Variants in TMA7B observed in about 807,000 individuals in gnomAD.
TMA7B encodes the protein translation machinery-associated protein 7B.
chr22:39,964,150 T>G, the TMA7B span: 1 of 488,984 alleles, frequency 2.0e-6, no homozygotes, highest in Admixed American at 3.8e-5. Flanking sequence ...TATGTCTGTT[T>G]GAAAAATAAA....
chr22:39,962,338 T>C, the TMA7B span, among the ~76,000 whole-genome samples: 3 of 152,010 alleles, frequency 2.0e-5, no homozygotes, highest in East Asian at 5.8e-4. Flanking sequence ...TAAAGGATTG[T>C]TGGAGCTGGG....
At chr22:39,964,170 C>A in the TMA7B span, 2 of 514,620 alleles carry the variant, frequency 3.9e-6, no homozygotes, top group South Asian at 3.0e-5. Flanking sequence ...ACTTTACATC[C>A]AAAAGAGAAT....
chr22:39,963,553 G>T, the TMA7B span, among the ~76,000 whole-genome samples: 1 of 152,298 alleles, frequency 6.6e-6, no homozygotes, highest in East Asian at 1.9e-4. Flanking sequence ...CCAAGGGGAA[G>T]ACCACAAAGT....
the TMA7B span, among the ~76,000 whole-genome samples, chr22:39,963,245 T>G: frequency 6.6e-6 from 1 of 152,284 alleles, no homozygotes; most frequent in Non-Finnish European, 1.5e-5. Flanking sequence ...AACACCAGAT[T>G]TTGGAGTCCA....
the TMA7B span, chr22:39,964,308 C>A: frequency 1.5e-6 from 1 of 678,638 alleles, no homozygotes; most frequent in South Asian, 1.6e-5. Flanking sequence ...AGACTGGCAA[C>A]AAAAGGTGCT....
the TMA7B span, among the ~76,000 whole-genome samples, chr22:39,963,134 T>C: frequency 6.6e-6 from 1 of 152,222 alleles, no homozygotes; most frequent in Non-Finnish European, 1.5e-5. Context: ...TATAATATTT[T>C]CCAAAGCAAA....
the TMA7B span, chr22:39,960,479 G>A: frequency 6.5e-6 from 2 of 307,024 alleles, no homozygotes; most frequent in Non-Finnish European, 1.2e-5. Flanking sequence ...CTTTAACAGT[G>A]TCTTGCATAA....
chr22:39,964,073 T>C, the TMA7B span: 1 of 301,784 alleles, frequency 3.3e-6, no homozygotes, highest in African/African-American at 2.2e-5. Context: ...CCCTTTAAAA[T>C]TCTTGACCTT....
At chr22:39,961,769 C>A in the TMA7B span, among the ~76,000 whole-genome samples, 1 of 152,182 alleles carries the variant, frequency 6.6e-6, no homozygotes, top group African/African-American at 2.4e-5. Flanking sequence ...AAGTTATTGG[C>A]AGGAAATACC....
the TMA7B span, chr22:39,961,060 C>A: frequency 6.6e-6 from 1 of 152,240 alleles, no homozygotes; most frequent in Non-Finnish European, 1.5e-5. Context: ...ATCTTCCCAC[C>A]TCAGCCTCTC....
chr22:39,961,460 A>T, the TMA7B span, among the ~76,000 whole-genome samples: 1 of 152,226 alleles, frequency 6.6e-6, no homozygotes, highest in African/African-American at 2.4e-5. Flanking sequence ...GCTGAACAAA[A>T]AGAAAGGCTA....
the TMA7B span, chr22:39,960,895 G>T: frequency 3.6e-4 from 54 of 151,354 alleles, no homozygotes; most frequent in African/African-American, 1.2e-3. Context: ...GACAAAGGGG[G>T]TTTGATCTAA....
chr22:39,962,750 C>T, the TMA7B span, among the ~76,000 whole-genome samples: 3 of 152,084 alleles, frequency 2.0e-5, no homozygotes, highest in South Asian at 2.1e-4. Context: ...CTCCGCCTCC[C>T]AGGTTCAAAG....
At chr22:39,962,747 T>G in the TMA7B span, among the ~76,000 whole-genome samples, 1 of 152,024 alleles carries the variant, frequency 6.6e-6, no homozygotes, top group African/African-American at 2.4e-5. Context: ...AACCTCCGCC[T>G]CCCAGGTTCA....
chr22:39,962,718 C>T, the TMA7B span, among the ~76,000 whole-genome samples: 1 of 151,988 alleles, frequency 6.6e-6, no homozygotes, highest in African/African-American at 2.4e-5. Flanking sequence ...AGTGCAGTGG[C>T]GCAATCTCGG....
chr22:39,961,282 CAG>C, the TMA7B span, among the ~76,000 whole-genome samples: 86 of 152,150 alleles, frequency 5.7e-4, no homozygotes, highest in Non-Finnish European at 9.0e-4. Context: ...ATGACTCACT[CAG>C]GGGGAGAAAG....
At chr22:39,964,528 C>A in the TMA7B span, 7 of 877,270 alleles carry the variant, frequency 8.0e-6, no homozygotes, top group African/African-American at 9.8e-5. Context: ...GGGGAAGGGG[C>A]CTCTGGCCAC....
chr22:39,961,816 G>T, the TMA7B span, among the ~76,000 whole-genome samples: 2 of 152,206 alleles, frequency 1.3e-5, no homozygotes, highest in Non-Finnish European at 2.9e-5. Context: ...AAGGCATAAA[G>T]CTTTGTTTTA....
the TMA7B span, among the ~76,000 whole-genome samples, chr22:39,962,380 G>A: frequency 5.9e-5 from 9 of 152,082 alleles, no homozygotes; most frequent in South Asian, 1.2e-3. Context: ...AAGATCGATC[G>A]CACCACTGCA....
Sources: allele counts gnomAD v4.1 joint callset (sites outside exome capture counted in the v4.1 genomes callset), GRCh38; gene constraint gnomAD v4.1.1; transcripts MANE v1.5; gene names NCBI Gene and HGNC (gene_info 2026-07-23, HGNC 2026-07-21).